KDM4C: variants seen among roughly 807,000 people sequenced by gnomAD.
KDM4C encodes lysine-specific demethylase 4C.
A neutral mutation model predicts 129.3 loss-of-function variants in KDM4C; 81 were observed. The ratio of observed to expected loss-of-function variants is 0.63; its 90% CI spans 0.52 to 0.75. The LOEUF (loss-of-function observed/expected upper bound fraction) is 0.75, where lower values mean the gene tolerates loss of function less well. Ranked by LOEUF, KDM4C falls within the 30% of genes least tolerant of loss-of-function variation. The pLI is 0.00. For synonymous variants in KDM4C, 573 were observed against 456.1 expected, an observed-to-expected ratio of 1.26 and a Z score of -3.26; for missense variants, 1,457 against 1,304.0, an observed-to-expected ratio of 1.12 and a Z score of -1.81.
intron 19 of KDM4C, among the ~76,000 whole-genome samples, chr9:7,131,295 T>A (rs958151355): frequency 6.6e-6 from 1 of 152,204 alleles, no homozygotes; most frequent in Non-Finnish European, 1.5e-5. Context: ...TGCTGTAGCC[T>A]CTTCCCTCTC....
chr9:6,761,412 G>C (rs1219504700), intron 1 of KDM4C, among the ~76,000 whole-genome samples: 1 of 151,112 alleles, frequency 6.6e-6, no homozygotes, highest in Non-Finnish European at 1.5e-5. Flanking sequence ...TCAGCTCACT[G>C]TAACCTCTCT....
At position 6,911,587 on chromosome 9, in the gene KDM4C, A is replaced by G. The variant is rs554334305; in HGVS notation, c.921+18355A>G. ...ACATTTCACTTCCTACCTCTGCTAG[A>G]TAAGTCAGACCTGTTTAACAATGTT... On this transcript the variant is annotated intron_variant, in intron 8 of 21. Coordinates refer to ENST00000381309, the MANE Select transcript of KDM4C (RefSeq NM_015061.6). Among the ~76,000 whole-genome samples the G allele has an allele frequency of 1.5e-3, 231 of 152,368 alleles. 2 individuals carry two copies. Among genetic ancestry groups the G allele is most frequent in the African/African-American group, 5.2e-3 (217 of 41,586 alleles).
intron 20 of KDM4C, among the ~76,000 whole-genome samples, chr9:7,168,836 G>C (rs1462860568): frequency 6.6e-6 from 1 of 152,064 alleles, no homozygotes; most frequent in East Asian, 1.9e-4. Context: ...AGGCCAAGGT[G>C]GGAGAATTGC....
chr9:6,728,925 G>C (rs1817233583), intron 1 of KDM4C, among the ~76,000 whole-genome samples: 1 of 151,990 alleles, frequency 6.6e-6, no homozygotes, highest in South Asian at 2.1e-4. Context: ...AAGGAAGAAG[G>C]CTGGGCGCGG....
At chr9:7,157,679 C>G (rs970516006) in intron 19 of KDM4C, among the ~76,000 whole-genome samples, 1 of 152,182 alleles carries the variant, frequency 6.6e-6, no homozygotes, top group Non-Finnish European at 1.5e-5. Flanking sequence ...TATGTTGAAC[C>G]AGCCTTGCAT....
At chr9:6,971,429 A>C (rs1831967448) in intron 8 of KDM4C, among the ~76,000 whole-genome samples, 1 of 152,136 alleles carries the variant, frequency 6.6e-6, no homozygotes. Context: ...TAAAATTTGG[A>C]CTGATCAATG....
chr9:6,889,677 A>G (rs1845844735), intron 7 of KDM4C, among the ~76,000 whole-genome samples: 1 of 152,202 alleles, frequency 6.6e-6, no homozygotes, highest in Non-Finnish European at 1.5e-5. Flanking sequence ...CTTTTACTTA[A>G]GTTGGACTGT....
intron 8 of KDM4C, among the ~76,000 whole-genome samples, chr9:6,931,725 T>C (rs916290355): frequency 6.6e-6 from 1 of 152,176 alleles, no homozygotes; most frequent in Non-Finnish European, 1.5e-5. Flanking sequence ...GGTCTTGAAC[T>C]GCTGGACTCA....
At chr9:7,164,133 T>C (rs1232197219) in intron 19 of KDM4C, among the ~76,000 whole-genome samples, 1 of 152,246 alleles carries the variant, frequency 6.6e-6, no homozygotes, top group Admixed American at 6.5e-5. Flanking sequence ...CAAGTGTGCA[T>C]TTCATTCAGA....
At chr9:6,743,824 A>G (rs1266009971) in intron 1 of KDM4C, among the ~76,000 whole-genome samples, 3 of 151,902 alleles carry the variant, frequency 2.0e-5, no homozygotes, top group Non-Finnish European at 4.4e-5. Context: ...TCTGCTTTCT[A>G]TATGGAATCT....
intron 17 of KDM4C, among the ~76,000 whole-genome samples, chr9:7,097,966 C>G (rs550406690): frequency 3.9e-5 from 6 of 152,342 alleles, no homozygotes; most frequent in African/African-American, 1.2e-4. Flanking sequence ...CAGTGTTCTG[C>G]TACTTGGCTT....
chr9:6,990,364 G>T (rs2760657), intron 11 of KDM4C, 52 bp from the exon 12 acceptor site: 245,941 of 969,464 alleles, frequency 0.25, 23,754 homozygotes, highest in Admixed American at 0.28. Context: ...TTTTTTTTTT[G>T]TAGTTTGTTT....
chr9:6,949,833 A>AGGGAGAGGGAGACCGTG (rs1207166734), intron 8 of KDM4C, among the ~76,000 whole-genome samples: 3 of 138,302 alleles, frequency 2.2e-5, no homozygotes, highest in Admixed American at 6.8e-5. Context: ...GAGACCGTGG[A>AGGGAGAGGGAGACCGTG]GGGAGAGGGA....
At chr9:7,117,617 G>A (rs1332600326) in intron 18 of KDM4C, among the ~76,000 whole-genome samples, 2 of 125,648 alleles carry the variant, frequency 1.6e-5, no homozygotes, top group Non-Finnish European at 3.3e-5. Flanking sequence ...GAATCATCTT[G>A]TTAATTTCTA....
intron 1 of KDM4C, among the ~76,000 whole-genome samples, chr9:6,789,006 G>T (rs1826000107): frequency 6.6e-6 from 1 of 151,872 alleles, no homozygotes; most frequent in African/African-American, 2.4e-5. Context: ...GATGATGGAC[G>T]AGGCCATAGT....
chr9:6,798,973 C>T (rs192805608), intron 2 of KDM4C, among the ~76,000 whole-genome samples: 13 of 118,016 alleles, frequency 1.1e-4, no homozygotes, highest in African/African-American at 3.6e-4. Context: ...GATGGGTGGC[C>T]GGGCAGAGAC....
chr9:6,802,525 A>G (rs562888184), intron 2 of KDM4C, among the ~76,000 whole-genome samples: 26 of 152,360 alleles, frequency 1.7e-4, no homozygotes, highest in African/African-American at 5.5e-4. Context: ...ATGCCCATCA[A>G]TGGTTATCAG....
intron 1 of KDM4C, among the ~76,000 whole-genome samples, chr9:6,735,589 C>T (rs144700597): frequency 6.6e-6 from 1 of 152,234 alleles, no homozygotes; most frequent in Non-Finnish European, 1.5e-5. Context: ...CTGCACAAGC[C>T]CTCTCTTTTT....
At chr9:6,928,442 G>A (rs796911961) in intron 8 of KDM4C, among the ~76,000 whole-genome samples, 9 of 152,308 alleles carry the variant, frequency 5.9e-5, no homozygotes, top group African/African-American at 1.7e-4. Context: ...GATATAGTAG[G>A]TGCTGCTTGC....
Sources: gnomAD v4.1 joint callset for allele counts (sites outside exome capture counted in the v4.1 genomes callset) on GRCh38, gnomAD v4.1.1 for gene constraint, MANE v1.5 for transcripts, NCBI Gene and HGNC (gene_info 2026-07-23, HGNC 2026-07-21) for gene names.